EXOC6: variants seen among roughly 807,000 people sequenced by gnomAD.
EXOC6 encodes the protein SEC15-like 1.
EXOC6 carries 60 observed loss-of-function variants against 112.5 expected under a neutral mutation model. That is an observed-to-expected ratio of 0.53 (90% CI 0.43 to 0.66). EXOC6 has a LOEUF of 0.66. Ranked by LOEUF, EXOC6 falls within the 30% of genes least tolerant of loss-of-function variation. EXOC6 has a pLI of 0.00. For synonymous variants in EXOC6, 295 were observed against 308.0 expected, an observed-to-expected ratio of 0.96 and a Z score of 0.44; for missense variants, 855 against 957.1, an observed-to-expected ratio of 0.89 and a Z score of 1.41.
intron 1 of EXOC6, among the ~76,000 whole-genome samples, chr10:92,860,596 T>C (rs1298974220): frequency 6.6e-6 from 1 of 152,216 alleles, no homozygotes; most frequent in Non-Finnish European, 1.5e-5. Flanking sequence ...GCTGAAACTC[T>C]TATTAAACAC....
At chr10:93,031,109 A>G (rs1189336485) in intron 20 of EXOC6, among the ~76,000 whole-genome samples, 1 of 152,220 alleles carries the variant, frequency 6.6e-6, no homozygotes, top group Admixed American at 6.5e-5. Flanking sequence ...AGAAGGAGGT[A>G]GAGGAACAAA....
intron 9 of EXOC6, 135 bp from the exon 10 acceptor site, chr10:92,934,009 C>A (rs1589859530): frequency 1.9e-6 from 1 of 530,848 alleles, no homozygotes; most frequent in Non-Finnish European, 3.3e-6. Flanking sequence ...AGATATATCC[C>A]TGGTACCTAA....
intron 19 of EXOC6, among the ~76,000 whole-genome samples, chr10:93,013,715 G>T (rs911332600): frequency 6.6e-6 from 1 of 152,228 alleles, no homozygotes; most frequent in African/African-American, 2.4e-5. Flanking sequence ...TGCATGTAAA[G>T]TTGACTTCTT....
Position 92,934,444 on chromosome 10 carries a change from T to G in EXOC6, c.1140+14T>G, listed in dbSNP as rs1852236231. On this transcript the variant is annotated intron_variant, in intron 11 of 21. Coordinates refer to ENST00000260762, the MANE Select transcript of EXOC6 (RefSeq NM_019053.6). ...AGAGCTCATTCAGTAAGTCAGACAA[T>G]TTACATTACTAAAATTTTAATTCAG... 6.5e-7 allele frequency: 1 copy of G among 1,532,398 alleles called. No homozygotes were observed. The highest frequency in any genetic ancestry group is 8.7e-7 in the Non-Finnish European group (1 of 1,148,020). 94.9% of individuals were successfully genotyped at this position (1,532,398 alleles called of 1,614,324 possible).
At chr10:92,958,407 G>T (rs11187226) in intron 17 of EXOC6, among the ~76,000 whole-genome samples, 65,399 of 152,048 alleles carry the variant, frequency 0.43, 15,111 homozygotes, top group African/African-American at 0.59. Flanking sequence ...CTGAAGAGTT[G>T]TCTTTTGAGT....
chr10:92,932,929 C>G (rs951988081), intron 9 of EXOC6, among the ~76,000 whole-genome samples: 1 of 152,064 alleles, frequency 6.6e-6, no homozygotes, highest in African/African-American at 2.4e-5. Context: ...TGAAATTAAA[C>G]TATCCTACAG....
chr10:93,037,051 A>G (rs573818313), intron 20 of EXOC6, among the ~76,000 whole-genome samples: 1 of 152,222 alleles, frequency 6.6e-6, no homozygotes, highest in South Asian at 2.1e-4. Flanking sequence ...TAAACTAATG[A>G]TTAACTATTA....
At chr10:92,925,661 G>A (rs1467686407) in intron 8 of EXOC6, among the ~76,000 whole-genome samples, 1 of 151,488 alleles carries the variant, frequency 6.6e-6, no homozygotes, top group Non-Finnish European at 1.5e-5. Flanking sequence ...TGTTGTTATT[G>A]TTTGTTTGTT....
At chr10:92,998,430 AATGT>A (rs1422484032) in intron 19 of EXOC6, among the ~76,000 whole-genome samples, 2 of 152,222 alleles carry the variant, frequency 1.3e-5, no homozygotes, top group African/African-American at 4.8e-5. Flanking sequence ...AATTTGCAAT[AATGT>A]ATTCTTTGTG....
chr10:92,889,751 TC>T (rs1168910888), intron 1 of EXOC6, among the ~76,000 whole-genome samples: 1 of 152,056 alleles, frequency 6.6e-6, no homozygotes. Flanking sequence ...TTTTTTTTTT[TC>T]TTTCTTTCTT....
At chr10:92,868,375 C>T (rs528792400) in intron 1 of EXOC6, among the ~76,000 whole-genome samples, 7 of 152,170 alleles carry the variant, frequency 4.6e-5, no homozygotes, top group East Asian at 1.9e-4. Flanking sequence ...AATTTTTATA[C>T]GCAGTGATAC....
rs1449179648 is a variant in EXOC6 at position 92,975,525 on chromosome 10, G to T, written c.1953+1293G>T. 6.7e-5 allele frequency among the ~76,000 whole-genome samples: 10 copies of T among 148,554 alleles called. No homozygotes were observed. In the East Asian group the frequency reaches 2.0e-3, roughly 30 times the overall value. On this transcript the variant is annotated intron_variant, in intron 18 of 21. Coordinates refer to ENST00000260762, the MANE Select transcript of EXOC6 (RefSeq NM_019053.6). The stretch of plus-strand genomic sequence containing the variant: ...CAGCCGCCCCGTCCAGGAGGGAGGT[G>T]GGGGGGTCAGCCCCCCAGCCGCCCC...
chr10:92,954,502 T>C (rs1298084327), intron 15 of EXOC6, 128 bp from the exon 16 acceptor site: 2 of 500,070 alleles, frequency 4.0e-6, no homozygotes, highest in African/African-American at 4.0e-5. Context: ...TGGGTCTTTG[T>C]AGTTTATTTA....
intron 20 of EXOC6, among the ~76,000 whole-genome samples, chr10:93,023,833 TA>T (rs1402642050): frequency 1.3e-5 from 2 of 152,134 alleles, no homozygotes; most frequent in African/African-American, 4.8e-5. Context: ...TATTCAGTGA[TA>T]ATTTTTTATA....
Position 93,048,799 on chromosome 10 carries a change from A to G in EXOC6, c.2170-8125A>G, listed in dbSNP as rs192621700. ...AATTTATTAACATCTTTTTGCATTC[A>G]TAAAAAACTTTCAGGAAACTTTAAT... On this transcript the variant is annotated intron_variant, in intron 20 of 21. Coordinates refer to ENST00000260762, the MANE Select transcript of EXOC6 (RefSeq NM_019053.6). Among the ~76,000 whole-genome samples, 530 of 151,384 alleles carry G rather than the reference A, an allele frequency of 3.5e-3. 5 individuals carry two copies. Among genetic ancestry groups the G allele is most frequent in the African/African-American group, 0.012 (508 of 41,326 alleles).
At position 92,952,206 on chromosome 10, in the gene EXOC6, AT is replaced by A. The variant is rs139628051; in HGVS notation, c.1417-61del. On this transcript the variant is annotated intron_variant, in intron 14 of 21. Coordinates refer to ENST00000260762, the MANE Select transcript of EXOC6 (RefSeq NM_019053.6). ...AAGTGTGAAATCAATTTAATTTTAC[AT>A]TTTTTAGTGATTAGCATGTCTTTTT... is the stretch of plus-strand genomic sequence containing the variant. 2.6e-3 allele frequency: 2,504 copies of A among 953,124 alleles called. 51 individuals carry two copies. The African/African-American group carries it at 0.037, about 14-fold the overall frequency. 59.0% of individuals were successfully genotyped at this position (953,124 alleles called of 1,614,324 possible).
At position 92,909,518 on chromosome 10, in the gene EXOC6, A is replaced by G; in HGVS notation, c.550A>G (p.Asn184Asp). 6.2e-7 allele frequency: 1 copy of G among 1,613,486 alleles called. No individual in the cohort carries two copies. The highest frequency in any genetic ancestry group is 8.5e-7 in the Non-Finnish European group (1 of 1,179,566). Residue 184 changes from asparagine (N) to aspartate (D), a missense_variant, in exon 6 of 22, where the codon AAT (asparagine) becomes GAT (aspartate). Physicochemically the swap from Asn to Asp is conservative, Grantham distance 23 (BLOSUM62 1). Coordinates refer to ENST00000260762, the MANE Select transcript of EXOC6 (RefSeq NM_019053.6). ...CCGGTTTTGTCAGCTCATGATAGAAAATCTTCCCAAACTCCGTGAGGATAT... is the reference window on the plus strand; with the variant it reads ...CCGGTTTTGTCAGCTCATGATAGAAGATCTTCCCAAACTCCGTGAGGATAT... ...QYRFCQLMIENLPKLREDIKE... is the reference protein window; with the variant it reads ...QYRFCQLMIEDLPKLREDIKE...
rs540682110 is a variant in EXOC6, at chr10:92,936,945, G to A, written c.1212+1060G>A. On this transcript the variant is annotated intron_variant, in intron 12 of 21. Coordinates refer to ENST00000260762, the MANE Select transcript of EXOC6 (RefSeq NM_019053.6). ...CACAGGTGGGGTGTACACCCTCTGC[G>A]ATATTGGGAGTAATATCATCCTATT... Among the ~76,000 whole-genome samples, 12 of 152,240 alleles carry A rather than the reference G, an allele frequency of 7.9e-5. No individual in the cohort carries two copies. The East Asian group carries it at 1.5e-3, about 20-fold the overall frequency.
rs144352636 is a variant in EXOC6, at chr10:92,902,081, TAC to T, written c.458+2457_458+2458del. On this transcript the variant is annotated intron_variant, in intron 5 of 21. Coordinates refer to ENST00000260762, the MANE Select transcript of EXOC6 (RefSeq NM_019053.6). ...GGTGGACTTATTACACACACACACATACACACACACACACACACACAGTTTGA... is the reference window on the plus strand; with the variant it reads ...GGTGGACTTATTACACACACACACATACACACACACACACACACAGTTTGA... Among the ~76,000 whole-genome samples the T allele has an allele frequency of 2.5e-3, 369 of 146,794 alleles. 1 individual carries two copies. The highest frequency in any genetic ancestry group is 6.5e-3 in the African/African-American group (259 of 40,000).
Sources: gnomAD v4.1 joint callset for allele counts (sites outside exome capture counted in the v4.1 genomes callset) on GRCh38, gnomAD v4.1.1 for gene constraint, MANE v1.5 for transcripts, NCBI Gene and HGNC (gene_info 2026-07-23, HGNC 2026-07-21) for gene names.